Variants in FGGY observed in about 807,000 individuals in gnomAD.
FGGY encodes FGGY carbohydrate kinase domain containing.
A neutral mutation model predicts 71.3 loss-of-function variants in FGGY; 72 were observed. The ratio of observed to expected loss-of-function variants is 1.01; its 90% CI spans 0.84 to 1.23. The LOEUF (loss-of-function observed/expected upper bound fraction) is 1.23, where lower values mean the gene tolerates loss of function less well. FGGY is among the 50% of genes most tolerant of loss of function. FGGY has a pLI of 0.00. For synonymous variants in FGGY, 251 were observed against 250.3 expected, an observed-to-expected ratio of 1.00 and a Z score of -0.02; for missense variants, 668 against 682.3, an observed-to-expected ratio of 0.98 and a Z score of 0.23.
intron 13 of FGGY, 181 bp from the exon 14 acceptor site, chr1:59,673,858 G>A (rs2097405976): frequency 1.8e-6 from 1 of 569,424 alleles, no homozygotes. Context: ...GCAGGCACAG[G>A]CAGTGAAATC....
chr1:59,385,951 G>T (rs560997756), intron 5 of FGGY, among the ~76,000 whole-genome samples: 2 of 151,890 alleles, frequency 1.3e-5, no homozygotes, highest in African/African-American at 4.8e-5. Context: ...GATGATCAAG[G>T]GTAGACAATA....
chr1:59,420,938 A>G lies in FGGY; in HGVS notation c.555-36023A>G, dbSNP rs543230935. ...TTTGTGCCAACTGCTGTTTTAGGAC[A>G]TGTTTCTGATAATGCTTTACACTTA... On this transcript the variant is annotated intron_variant, in intron 5 of 15. Transcript: ENST00000303721. Among the ~76,000 whole-genome samples, 18 of 152,102 alleles carry G rather than the reference A, an allele frequency of 1.2e-4. 1 individual carries two copies. Among genetic ancestry groups the G allele is most frequent in the Middle Eastern group, 6.8e-3 (2 of 294 alleles).
chr1:59,347,211 A>G (rs966244056), intron 4 of FGGY, among the ~76,000 whole-genome samples: 8 of 150,594 alleles, frequency 5.3e-5, no homozygotes, highest in African/African-American at 1.2e-4. Context: ...TCGTCATTTA[A>G]CATTAGGTAT....
chr1:59,679,757 T>C (rs904741016), intron 14 of FGGY, among the ~76,000 whole-genome samples: 1 of 152,156 alleles, frequency 6.6e-6, no homozygotes, highest in Admixed American at 6.5e-5. Flanking sequence ...CTTTTTCCTA[T>C]ACTCAAAAAT....
At chr1:59,355,426 T>C (rs79747873) in intron 4 of FGGY, among the ~76,000 whole-genome samples, 3,366 of 152,316 alleles carry the variant, frequency 0.022, 141 homozygotes, top group African/African-American at 0.077. Flanking sequence ...CTGTTCATGG[T>C]TGGAAGAGTT....
At chr1:59,371,295 C>T (rs527764877) in intron 4 of FGGY, among the ~76,000 whole-genome samples, 3,619 of 151,956 alleles carry the variant, frequency 0.024, 158 homozygotes, top group African/African-American at 0.084. Flanking sequence ...CAACAAAGAT[C>T]AAAAGAGACA....
At chr1:59,586,522 G>T (rs911192054) in intron 8 of FGGY, among the ~76,000 whole-genome samples, 2 of 152,108 alleles carry the variant, frequency 1.3e-5, no homozygotes, top group South Asian at 4.1e-4. Flanking sequence ...TCGGGGGAGT[G>T]GGGAGGGATA....
intron 4 of FGGY, among the ~76,000 whole-genome samples, chr1:59,349,076 G>T (rs1281800366): frequency 2.6e-5 from 4 of 152,128 alleles, no homozygotes; most frequent in Non-Finnish European, 4.4e-5. Context: ...AGCATTAGTT[G>T]ATTTTAATCC....
intron 8 of FGGY, among the ~76,000 whole-genome samples, chr1:59,568,464 C>T (rs868640198): frequency 1.9e-4 from 11 of 59,440 alleles, no homozygotes; most frequent in Non-Finnish European, 2.6e-4. Flanking sequence ...GTCGGGGGGG[C>T]GGGGGGGGGT....
Position 59,679,371 on chromosome 1 carries a change from C to T in FGGY, c.1512+5238C>T, listed in dbSNP as rs189487246. Among the ~76,000 whole-genome samples the T allele has an allele frequency of 3.0e-3, 459 of 151,482 alleles. 1 individual carries two copies. Among genetic ancestry groups the T allele is most frequent in the Non-Finnish European group, 4.7e-3 (321 of 67,928 alleles). On this transcript the variant is annotated intron_variant, in intron 14 of 15. Transcript: ENST00000303721. ...CGATAAATAACAGTTTTGCTATTTGCAAAATAAAGCTGATTATCATTATTT... is the reference window on the plus strand; with the variant it reads ...CGATAAATAACAGTTTTGCTATTTGTAAAATAAAGCTGATTATCATTATTT...
chr1:59,575,369 C>T (rs895457053), intron 8 of FGGY, among the ~76,000 whole-genome samples: 1 of 152,156 alleles, frequency 6.6e-6, no homozygotes, highest in African/African-American at 2.4e-5. Context: ...ATTTATCCCT[C>T]TGTGTGTGGT....
chr1:59,696,922 CAG>C (rs1211257401), intron 14 of FGGY, among the ~76,000 whole-genome samples: 1 of 151,918 alleles, frequency 6.6e-6, no homozygotes, highest in Non-Finnish European at 1.5e-5. Context: ...TGTGCATGGC[CAG>C]AGAGCTCGTT....
chr1:59,375,094 C>T (rs1009762086), intron 4 of FGGY, among the ~76,000 whole-genome samples: 7 of 139,512 alleles, frequency 5.0e-5, no homozygotes, highest in African/African-American at 1.9e-4. Context: ...ACCTAGTTTT[C>T]ATCAAAAAAA....
chr1:59,533,183 T>C (rs567017517), intron 7 of FGGY, among the ~76,000 whole-genome samples: 89 of 152,334 alleles, frequency 5.8e-4, no homozygotes, highest in African/African-American at 2.0e-3. Flanking sequence ...GGCAAGGCAT[T>C]GCCTCACTCG....
chr1:59,406,156 A>G (rs1475038080), intron 5 of FGGY, among the ~76,000 whole-genome samples: 2 of 117,958 alleles, frequency 1.7e-5, no homozygotes, highest in African/African-American at 2.8e-5. Flanking sequence ...AAATTTGCCT[A>G]CTTACTAAAT....
intron 4 of FGGY, among the ~76,000 whole-genome samples, chr1:59,349,085 C>T (rs1327791370): frequency 2.6e-5 from 4 of 152,110 alleles, no homozygotes; most frequent in Non-Finnish European, 5.9e-5. Flanking sequence ...TGATTTTAAT[C>T]CTAATGGTCT....
At chr1:59,653,350 G>C (rs907920918) in intron 11 of FGGY, among the ~76,000 whole-genome samples, 1 of 152,156 alleles carries the variant, frequency 6.6e-6, no homozygotes, top group Non-Finnish European at 1.5e-5. Context: ...CCCTCCCCCA[G>C]CCTTGCTGCC....
intron 10 of FGGY, among the ~76,000 whole-genome samples, chr1:59,628,504 T>A (rs1246148259): frequency 6.6e-6 from 1 of 152,136 alleles, no homozygotes; most frequent in Non-Finnish European, 1.5e-5. Context: ...AGAAAGGACA[T>A]TGGTGGAGGA....
chr1:59,354,696 G>A (rs1258871473), intron 4 of FGGY, among the ~76,000 whole-genome samples: 1 of 152,202 alleles, frequency 6.6e-6, no homozygotes, highest in Admixed American at 6.5e-5. Flanking sequence ...CTGGGCGCTG[G>A]AGATGCCAAG....
Sources: gnomAD v4.1 joint callset for allele counts (sites outside exome capture counted in the v4.1 genomes callset) on GRCh38, gnomAD v4.1.1 for gene constraint, MANE v1.5 for transcripts, NCBI Gene and HGNC (gene_info 2026-07-23, HGNC 2026-07-21) for gene names.